The following MBNL2 variants were observed in gnomAD, a reference collection of about 807,000 sequenced individuals.
MBNL2 encodes muscleblind-like protein 2.
Under a neutral mutation model 41.9 loss-of-function variants are expected in MBNL2, and 17 were observed. The observed-to-expected ratio is 0.41, with a 90% confidence interval of 0.28 to 0.61. The LOEUF is 0.61. Among genes scored for constraint, MBNL2 ranks in the 20% least tolerant of loss-of-function variants. The pLI is 0.35. For missense variants in MBNL2, 336 were observed against 505.6 expected (o/e 0.66, Z 3.22); for synonymous variants, 195 against 182.9 (o/e 1.07, Z -0.53).
intron 1 of MBNL2, among the ~76,000 whole-genome samples, chr13:97,255,741 G>A (rs2047404147): frequency 6.6e-6 from 1 of 152,200 alleles, no homozygotes; most frequent in African/African-American, 2.4e-5. Flanking sequence ...GACCTCATGT[G>A]CTGTGTTTAG....
chr13:97,200,203 G>A, the MBNL2 span, among the ~76,000 whole-genome samples: 1 of 152,232 alleles, frequency 6.6e-6, no homozygotes, highest in Non-Finnish European at 1.5e-5. Context: ...ACCCACTCCA[G>A]GCCTTGGAGA....
intron 5 of MBNL2, among the ~76,000 whole-genome samples, chr13:97,354,891 T>G (rs567134194): frequency 3.5e-4 from 54 of 152,260 alleles, no homozygotes; most frequent in Non-Finnish European, 6.5e-4. Context: ...CCAAAATGAT[T>G]TTGAGTTTAA....
the MBNL2 span, among the ~76,000 whole-genome samples, chr13:97,149,299 C>T: frequency 6.6e-6 from 1 of 152,156 alleles, no homozygotes; most frequent in Non-Finnish European, 1.5e-5. Flanking sequence ...GCTCCTGGAG[C>T]TCCTGGAGAC....
At chr13:97,210,598 TTTTTTTTTTTTTG>T in the MBNL2 span, among the ~76,000 whole-genome samples, 8 of 118,250 alleles carry the variant, frequency 6.8e-5, no homozygotes, top group South Asian at 9.7e-4. Flanking sequence ...TTTTTTTTTT[TTTTTTTTTTTTTG>T]AGACAGAATC....
intron 1 of MBNL2, among the ~76,000 whole-genome samples, chr13:97,245,906 G>T (rs983564565): frequency 3.3e-5 from 5 of 152,194 alleles, no homozygotes; most frequent in African/African-American, 1.2e-4. Flanking sequence ...CAGATGATGA[G>T]TAGGACAAAG....
chr13:97,368,578 A>G lies in MBNL2; in HGVS notation c.1048+3407A>G, dbSNP rs191572744. ...GAAATAGTTTGGAGTTGTAGGATAA[A>G]TTATTTTAGCATAATAAATATTTGA... On this transcript the variant is annotated intron_variant, in intron 8 of 8. Coordinates refer to ENST00000679496, the MANE Select transcript of MBNL2 (RefSeq NM_001382683.1). 3.2e-3 allele frequency among the ~76,000 whole-genome samples: 487 copies of G among 152,226 alleles called. 4 individuals are homozygous for G. Among genetic ancestry groups the G allele is most frequent in the Admixed American group, 0.012 (187 of 15,284 alleles).
At chr13:97,311,523 T>C (rs76478789) in intron 2 of MBNL2, among the ~76,000 whole-genome samples, 3,320 of 152,318 alleles carry the variant, frequency 0.022, 97 homozygotes, top group African/African-American at 0.067. Flanking sequence ...TCATTCTAGC[T>C]ATGCTTTATG....
At chr13:97,215,038 A>G in the MBNL2 span, among the ~76,000 whole-genome samples, 1 of 152,368 alleles carries the variant, frequency 6.6e-6, no homozygotes, top group East Asian at 1.9e-4. Context: ...TTTGGCCCAG[A>G]GAACATCTGC....
At chr13:97,343,284 C>T (rs1021238516) in intron 4 of MBNL2, 68 bp downstream of exon 4, 1 of 1,170,014 alleles carries the variant, frequency 8.5e-7, no homozygotes, top group African/African-American at 1.5e-5. Context: ...TAAGTGATTG[C>T]TTGTAAGATA....
In MBNL2 at chr13:97,287,918, G is replaced by GTTTTTTTTTTTTTTTT. The variant is rs11423615; in HGVS notation, c.174+11519_174+11520insTTTTTTTTTTTTTTTT. Among the ~76,000 whole-genome samples the GTTTTTTTTTTTTTTTT allele has an allele frequency of 1.4e-4, 18 of 124,614 alleles. 2 individuals carry two copies. The highest frequency in any genetic ancestry group is 5.6e-4 in the African/African-American group (16 of 28,770). 81.8% of individuals were successfully genotyped at this position (124,614 alleles called of 152,430 possible). On this transcript the variant is annotated intron_variant, in intron 2 of 8. Transcript: ENST00000679496. Reference sequence around the variant, plus strand: ...TGCCACCAGGCCCGGCTAATTTTCTGTTTTTTTTTTGTTTTGTTTTGTTTT... The same window carrying GTTTTTTTTTTTTTTTT: ...TGCCACCAGGCCCGGCTAATTTTCTGTTTTTTTTTTTTTTTTTTTTTTTTTTGTTTTGTTTTGTTTT...
intron 1 of MBNL2, among the ~76,000 whole-genome samples, chr13:97,267,677 C>A (rs766115508): frequency 6.6e-6 from 1 of 152,182 alleles, no homozygotes; most frequent in African/African-American, 2.4e-5. Flanking sequence ...GGCTATGGGT[C>A]ATTGTCTTTC....
chr13:97,144,819 A>C, the MBNL2 span, among the ~76,000 whole-genome samples: 1 of 152,306 alleles, frequency 6.6e-6, no homozygotes, highest in South Asian at 2.1e-4. Flanking sequence ...TCAAATAGGA[A>C]CAAATAAGGA....
chr13:97,213,755 G>T, the MBNL2 span, among the ~76,000 whole-genome samples: 1 of 152,166 alleles, frequency 6.6e-6, no homozygotes, highest in African/African-American at 2.4e-5. Flanking sequence ...TCTAGGTAGG[G>T]TGGTGATCCT....
chr13:97,144,007 C>T, the MBNL2 span, among the ~76,000 whole-genome samples: 9 of 152,054 alleles, frequency 5.9e-5, no homozygotes, highest in Non-Finnish European at 1.3e-4. Context: ...CCATGCCTGG[C>T]TAATTTTTGT....
chr13:97,198,908 C>T, the MBNL2 span, among the ~76,000 whole-genome samples: 73 of 152,256 alleles, frequency 4.8e-4, 1 homozygote, highest in South Asian at 4.1e-4. Flanking sequence ...CTGCTCCCAC[C>T]GGTCCTCCTA....
chr13:97,218,295 A>G (rs1399254908), upstream of MBNL2, among the ~76,000 whole-genome samples: 3 of 152,154 alleles, frequency 2.0e-5, no homozygotes, highest in East Asian at 5.8e-4. Flanking sequence ...CTGTAGTCCC[A>G]GCTACTTGGG....
intron 1 of MBNL2, among the ~76,000 whole-genome samples, chr13:97,243,574 G>A (rs1391223816): frequency 2.0e-5 from 3 of 152,198 alleles, no homozygotes; most frequent in African/African-American, 7.2e-5. Context: ...AGAAATCAAC[G>A]AAAGTGGAGA....
upstream of MBNL2, among the ~76,000 whole-genome samples, chr13:97,219,201 G>A (rs2040658787): frequency 6.6e-6 from 1 of 152,216 alleles, no homozygotes; most frequent in South Asian, 2.1e-4. Context: ...CATTTGAGAT[G>A]CACTGCTCTG....
intron 2 of MBNL2, among the ~76,000 whole-genome samples, chr13:97,313,906 A>G (rs1197051863): frequency 6.6e-6 from 1 of 152,216 alleles, no homozygotes; most frequent in African/African-American, 2.4e-5. Flanking sequence ...AGTATTTAGC[A>G]ATTGGGAGTT....
Sources: gnomAD v4.1 joint callset for allele counts (sites outside exome capture counted in the v4.1 genomes callset) on GRCh38, gnomAD v4.1.1 for gene constraint, MANE v1.5 for transcripts, NCBI Gene and HGNC (gene_info 2026-07-23, HGNC 2026-07-21) for gene names.